The following LOC400499 variants were observed in gnomAD, a reference collection of about 807,000 sequenced individuals.
chr16:11,384,431 CAG>C, the LOC400499 span: 1 of 537,530 alleles, frequency 1.9e-6, no homozygotes, highest in Non-Finnish European at 2.8e-6. Flanking sequence ...CTGAAGCACA[CAG>C]AGGAGCAGTA....
chr16:11,468,772 C>T, the LOC400499 span, among the ~76,000 whole-genome samples: 4 of 152,164 alleles, frequency 2.6e-5, no homozygotes, highest in Non-Finnish European at 5.9e-5. Flanking sequence ...GGATTACAGG[C>T]ACCCGCCACC....
At chr16:11,385,598 T>C in the LOC400499 span, among the ~76,000 whole-genome samples, 1 of 152,152 alleles carries the variant, frequency 6.6e-6, no homozygotes, top group Non-Finnish European at 1.5e-5. Context: ...GGCTTCAAGA[T>C]GACATGAGCT....
the LOC400499 span, among the ~76,000 whole-genome samples, chr16:11,409,490 T>C: frequency 6.6e-6 from 1 of 152,192 alleles, no homozygotes; most frequent in Non-Finnish European, 1.5e-5. Context: ...ACAGGGACCA[T>C]AAGGCCTGCA....
At chr16:11,422,441 G>A in the LOC400499 span, among the ~76,000 whole-genome samples, 2 of 151,610 alleles carry the variant, frequency 1.3e-5, no homozygotes, top group African/African-American at 2.4e-5. Context: ...AGAACGGAAC[G>A]GAAAGGAAAG....
chr16:11,426,092 A>T, the LOC400499 span, among the ~76,000 whole-genome samples: 1 of 152,206 alleles, frequency 6.6e-6, no homozygotes, highest in South Asian at 2.1e-4. Context: ...CCATATGAAT[A>T]TGTACTAGAT....
At chr16:11,426,956 T>C in the LOC400499 span, among the ~76,000 whole-genome samples, 2 of 145,872 alleles carry the variant, frequency 1.4e-5, no homozygotes, top group African/African-American at 2.6e-5. Context: ...TTCTAGAATA[T>C]ATAAAGAGTA....
the LOC400499 span, chr16:11,460,649 C>T: frequency 5.4e-6 from 8 of 1,492,396 alleles, no homozygotes; most frequent in Admixed American, 1.5e-4. Context: ...CCTCCTCTGC[C>T]AGGCAGCCCT....
chr16:11,514,843 A>G, the LOC400499 span, among the ~76,000 whole-genome samples: 4 of 152,212 alleles, frequency 2.6e-5, no homozygotes, highest in African/African-American at 7.2e-5. Flanking sequence ...GTCAGTATGA[A>G]AACATTTCAA....
the LOC400499 span, among the ~76,000 whole-genome samples, chr16:11,473,437 G>C: frequency 2.0e-5 from 3 of 151,654 alleles, no homozygotes; most frequent in Admixed American, 6.6e-5. Flanking sequence ...ATTCAGTGTT[G>C]CTGGCTTACA....
chr16:11,446,830 G>A, the LOC400499 span: 54 of 1,536,154 alleles, frequency 3.5e-5, no homozygotes, highest in Admixed American at 9.8e-4. Context: ...AGTCTCCAGG[G>A]AATAGCGCTG....
chr16:11,392,189 A>C, the LOC400499 span: 122,872 of 398,972 alleles, frequency 0.31, 19,393 homozygotes, highest in African/African-American at 0.37. Context: ...TGGGCCTCAC[A>C]ATGGGGTTGT....
the LOC400499 span, chr16:11,390,013 G>A: frequency 4.9e-6 from 4 of 815,578 alleles, no homozygotes; most frequent in South Asian, 1.9e-4. Context: ...GTGGTCACAG[G>A]AGTCAGTGTG....
chr16:11,517,243 T>C, the LOC400499 span, among the ~76,000 whole-genome samples: 1 of 152,148 alleles, frequency 6.6e-6, no homozygotes, highest in Non-Finnish European at 1.5e-5. Context: ...CTCTAACTTG[T>C]CTCGCTCCCT....
the LOC400499 span, chr16:11,412,757 G>A: frequency 2.5e-6 from 1 of 397,540 alleles, no homozygotes; most frequent in Non-Finnish European, 4.4e-6. Context: ...GAATTGAGAG[G>A]TGCTGTGTCC....
the LOC400499 span, chr16:11,443,247 C>CGTGATTG: frequency 1.6e-4 from 48 of 307,118 alleles, no homozygotes; most frequent in Non-Finnish European, 2.5e-4. Context: ...TCACTTGAAC[C>CGTGATTG]CAGGAGGCAG....
the LOC400499 span, among the ~76,000 whole-genome samples, chr16:11,455,741 GAAAAAAAA>G: frequency 1.5e-5 from 2 of 131,748 alleles, no homozygotes; most frequent in East Asian, 2.4e-4. Context: ...TCTCAAAAAA[GAAAAAAAA>G]AAAAAAAGAA....
chr16:11,443,273 G>A, the LOC400499 span: 3 of 311,256 alleles, frequency 9.6e-6, no homozygotes, highest in South Asian at 2.4e-5. Flanking sequence ...GCAATGAGCC[G>A]ACATTGCGCA....
At chr16:11,423,019 T>TGG in the LOC400499 span, among the ~76,000 whole-genome samples, 28 of 151,970 alleles carry the variant, frequency 1.8e-4, no homozygotes, top group African/African-American at 6.0e-4. Flanking sequence ...ACCAGGGATG[T>TGG]GGGGGGCTTT....
the LOC400499 span, chr16:11,514,262 G>A: frequency 2.3e-5 from 9 of 398,438 alleles, no homozygotes; most frequent in East Asian, 7.1e-5. Flanking sequence ...TGTCCAGGCC[G>A]GGACAGAGGA....
Sources: gnomAD v4.1 joint callset for allele counts (sites outside exome capture counted in the v4.1 genomes callset) on GRCh38, gnomAD v4.1.1 for gene constraint, MANE v1.5 for transcripts.